MACROD2: variants seen among roughly 807,000 people sequenced by gnomAD.
MACROD2 encodes ADP-ribose glycohydrolase MACROD2.
Under a neutral mutation model 70.4 loss-of-function variants are expected in MACROD2, and 36 were observed. The observed-to-expected ratio is 0.51, with a 90% CI of 0.39 to 0.68. The LOEUF is 0.68. Among genes scored for constraint, MACROD2 ranks in the 30% least tolerant of loss-of-function variants. The probability of loss-of-function intolerance (pLI) is 0.00; values close to 1 mark genes in which losing one functional copy is unlikely to be tolerated. For missense variants in MACROD2, 496 were observed against 538.4 expected, an observed-to-expected ratio of 0.92 and a Z score of 0.78; for synonymous variants, 172 against 178.8, an observed-to-expected ratio of 0.96 and a Z score of 0.30.
chr20:15,778,632 A>G (rs2147033585), intron 8 of MACROD2, among the ~76,000 whole-genome samples: 1 of 152,078 alleles, frequency 6.6e-6, no homozygotes, highest in South Asian at 2.1e-4. Flanking sequence ...AAGATCTTTG[A>G]ACCCTAAATA....
intron 5 of MACROD2, among the ~76,000 whole-genome samples, chr20:15,055,085 G>T (rs1319742642): frequency 1.3e-5 from 2 of 151,856 alleles, no homozygotes; most frequent in Admixed American, 6.6e-5. Flanking sequence ...AAGTAGCTGG[G>T]ATTACAGGCG....
intron 5 of MACROD2, among the ~76,000 whole-genome samples, chr20:14,924,726 A>T (rs966476572): frequency 3.3e-5 from 5 of 152,158 alleles, no homozygotes; most frequent in African/African-American, 1.2e-4. Flanking sequence ...ATCCTACTTT[A>T]AAAAACACTA....
chr20:15,665,642 C>A (rs1426207865), intron 8 of MACROD2, among the ~76,000 whole-genome samples: 2 of 152,104 alleles, frequency 1.3e-5, no homozygotes, highest in Admixed American at 6.5e-5. Flanking sequence ...CTAAATCAAG[C>A]AGAACATATA....
In MACROD2 at chr20:15,076,820, C is replaced by T. The variant is rs757382102; in HGVS notation, c.419-153120C>T. 4.2e-4 allele frequency among the ~76,000 whole-genome samples: 64 copies of T among 151,970 alleles called. 1 individual carries two copies. Among genetic ancestry groups the T allele is most frequent in the South Asian group, 2.1e-4 (1 of 4,832 alleles). On this transcript the variant is annotated intron_variant, in intron 5 of 17. Coordinates refer to ENST00000684519, the MANE Select transcript of MACROD2 (RefSeq NM_001351661.2). ...GGATGTAAGCATTTAAACTTTCATA[C>T]GTAGAACTCCACATAGCAATGAAGG...
chr20:15,687,484 A>C lies in MACROD2; in HGVS notation c.646-175261A>C, dbSNP rs147349605. 2.1e-3 allele frequency among the ~76,000 whole-genome samples: 321 copies of C among 149,976 alleles called. 3 individuals carry two copies. Among genetic ancestry groups the C allele is most frequent in the African/African-American group, 7.4e-3 (292 of 39,678 alleles). On this transcript the variant is annotated intron_variant, in intron 8 of 17. Coordinates refer to ENST00000684519, the MANE Select transcript of MACROD2 (RefSeq NM_001351661.2). ...TCTGGACACCGGTCATTGACTTTCTATTCTGACATTGGTTGTCCTTTGGTC... is the reference window on the plus strand; with the variant it reads ...TCTGGACACCGGTCATTGACTTTCTCTTCTGACATTGGTTGTCCTTTGGTC...
intron 6 of MACROD2, among the ~76,000 whole-genome samples, chr20:15,427,286 A>G (rs2046310934): frequency 6.6e-6 from 1 of 152,206 alleles, no homozygotes; most frequent in Non-Finnish European, 1.5e-5. Context: ...CAGACAAGGC[A>G]GTTGGTACAT....
intron 3 of MACROD2, among the ~76,000 whole-genome samples, chr20:14,187,312 A>G (rs1022057683): frequency 1.3e-5 from 2 of 152,212 alleles, no homozygotes; most frequent in Non-Finnish European, 1.5e-5. Context: ...GAATCCCAGT[A>G]AAACCACTGA....
chr20:14,950,862 G>A (rs171316), intron 5 of MACROD2, among the ~76,000 whole-genome samples: 47,194 of 151,940 alleles, frequency 0.31, 8,010 homozygotes, highest in African/African-American at 0.44. Flanking sequence ...TCAAACTTAG[G>A]AGTCGTTAAA....
intron 3 of MACROD2, among the ~76,000 whole-genome samples, chr20:14,371,189 T>C (rs1240822968): frequency 6.6e-6 from 1 of 152,192 alleles, no homozygotes; most frequent in Admixed American, 6.5e-5. Flanking sequence ...GTAAGTTTTA[T>C]AAATAATAAC....
At chr20:14,978,175 T>A (rs1046951658) in intron 5 of MACROD2, among the ~76,000 whole-genome samples, 1 of 152,142 alleles carries the variant, frequency 6.6e-6, no homozygotes, top group Non-Finnish European at 1.5e-5. Context: ...ACTGTTTAAG[T>A]GAGAAGCTAA....
chr20:15,504,207 G>A (rs957592135), intron 8 of MACROD2, among the ~76,000 whole-genome samples: 1 of 152,070 alleles, frequency 6.6e-6, no homozygotes, highest in African/African-American at 2.4e-5. Context: ...ATATTCTGTT[G>A]CCCACCATCC....
chr20:14,071,687 C>T (rs1198764866), intron 2 of MACROD2, among the ~76,000 whole-genome samples: 2 of 152,192 alleles, frequency 1.3e-5, no homozygotes, highest in South Asian at 2.1e-4. Context: ...CATGATATCT[C>T]TACCTCATAA....
intron 3 of MACROD2, among the ~76,000 whole-genome samples, chr20:14,241,149 A>G (rs2081925987): frequency 6.6e-6 from 1 of 152,256 alleles, no homozygotes; most frequent in African/African-American, 2.4e-5. Flanking sequence ...TAAATACAAA[A>G]GAACACGAAG....
chr20:15,668,709 A>G (rs761565565), intron 8 of MACROD2, among the ~76,000 whole-genome samples: 2 of 152,168 alleles, frequency 1.3e-5, no homozygotes, highest in African/African-American at 4.8e-5. Context: ...ATGAAGATAC[A>G]TTTTCTCCCT....
rs11905109 is a variant in MACROD2 at position 14,589,202 on chromosome 20, A to T, written c.302-95641A>T. On this transcript the variant is annotated intron_variant, in intron 4 of 17. Transcript: ENST00000684519. ...TATCTAATGATTAAATCAACTTTGT[A>T]TTAAGTAAATCTTATAATCACTCAA... 7.7e-3 allele frequency among the ~76,000 whole-genome samples: 1,167 copies of T among 152,242 alleles called. 15 individuals carry two copies. Among genetic ancestry groups the T allele is most frequent in the African/African-American group, 0.027 (1,131 of 41,558 alleles).
At chr20:15,539,127 T>G (rs2146563130) in intron 8 of MACROD2, among the ~76,000 whole-genome samples, 1 of 152,344 alleles carries the variant, frequency 6.6e-6, no homozygotes, top group East Asian at 1.9e-4. Flanking sequence ...TTTCAGGCAA[T>G]GCTTAAGAAT....
intron 15 of MACROD2, among the ~76,000 whole-genome samples, chr20:16,036,363 C>T (rs2067236469): frequency 6.6e-6 from 1 of 151,982 alleles, no homozygotes; most frequent in African/African-American, 2.4e-5. Flanking sequence ...ATCTTTTCTT[C>T]TATGATGACA....
chr20:14,448,293 T>C (rs2084206031), intron 3 of MACROD2, among the ~76,000 whole-genome samples: 2 of 152,016 alleles, frequency 1.3e-5, no homozygotes. Context: ...TAATGTCTTT[T>C]TATTACCTAT....
At chr20:14,573,914 G>T (rs961009240) in intron 4 of MACROD2, among the ~76,000 whole-genome samples, 1 of 152,178 alleles carries the variant, frequency 6.6e-6, no homozygotes, top group Non-Finnish European at 1.5e-5. Context: ...GCTTGTTCCA[G>T]TTATGGGATC....
Sources: gnomAD v4.1 joint callset for allele counts (sites outside exome capture counted in the v4.1 genomes callset) on GRCh38, gnomAD v4.1.1 for gene constraint, MANE v1.5 for transcripts, NCBI Gene and HGNC (gene_info 2026-07-23, HGNC 2026-07-21) for gene names.